PRCD: variants seen among roughly 807,000 people sequenced by gnomAD.
The protein encoded by PRCD is photoreceptor disk component PRCD.
Under a neutral mutation model 10.1 loss-of-function variants are expected in PRCD, and 12 were observed. The observed-to-expected ratio is 1.18, with a 90% CI of 0.76 to 1.92. PRCD has a LOEUF of 1.92. Among genes scored for constraint, PRCD ranks in the 40% most tolerant of loss-of-function variants. The pLI is 0.00. For synonymous variants in PRCD, 31 were observed against 26.2 expected (o/e 1.18, Z -0.56); for missense variants, 61 against 72.2 (o/e 0.84, Z 0.56).
chr17:76,552,873 A>ATAT (rs1217323967), intron 1 of PRCD: 1 of 125,678 alleles, frequency 8.0e-6, no homozygotes, highest in African/African-American at 3.5e-5. Context: ...TCAAAAAAAA[A>ATAT]AAAAAAAAAT....
Position 76,540,250 on chromosome 17 carries a change from T to TGGGGG in PRCD, c.74+35_74+36insGGGGG. ...TGACCGGGCTATGGCTGGCGGTTGGTCGGGGGGGGGGGGCATGGGGCTGGG... is the reference window on the plus strand; with the variant it reads ...TGACCGGGCTATGGCTGGCGGTTGGTGGGGGCGGGGGGGGGGGGCATGGGGCTGGG... On this transcript the variant is annotated intron_variant, in intron 1 of 4. Transcript: ENST00000592014. This position sits in a 1 kb window ranked among gnomAD's most constrained non-coding sequence, Gnocchi z 5.0. 1.9e-5 allele frequency: 9 copies of TGGGGG among 463,652 alleles called. 3 individuals carry two copies. Among genetic ancestry groups the TGGGGG allele is most frequent in the South Asian group, 6.6e-5 (3 of 45,652 alleles). The allele number at this position is 463,652 out of a possible 1,614,324, so 28.7% of individuals were successfully genotyped here. A position where few individuals can be genotyped will look rare whatever the true frequency, so the allele number is the denominator to read the frequency against.
At chr17:76,534,150 C>CTT (rs2074886881) in intron 1 of PRCD, among the ~76,000 whole-genome samples, 2 of 80,410 alleles carry the variant, frequency 2.5e-5, no homozygotes, top group Non-Finnish European at 5.0e-5. Flanking sequence ...TTCTCTTTCT[C>CTT]TCTCTCTCTC....
At chr17:76,553,010 G>A (rs2075126090) in intron 1 of PRCD, 1 of 150,668 alleles carries the variant, frequency 6.6e-6, no homozygotes, top group African/African-American at 2.4e-5. Context: ...GAATCAAAAC[G>A]AGGTCTGAAG....
chr17:76,546,738 C>A (rs1387852731), downstream of PRCD: 1 of 152,190 alleles, frequency 6.6e-6, no homozygotes, highest in Non-Finnish European at 1.5e-5. The surrounding 1 kb of genome is among the most constrained non-coding windows in gnomAD (Gnocchi z 4.5). Flanking sequence ...TGATACTAAT[C>A]GTATGATTAA....
At chr17:76,529,349 A>G (rs4648335) in intron 1 of PRCD, 355,165 of 985,180 alleles carry the variant, frequency 0.36, 65,179 homozygotes, top group South Asian at 0.58. Context: ...ACGGTAGCCC[A>G]TCTCCATTCA....
chr17:76,544,369 G>A lies in PRCD; in HGVS notation c.*719G>A, dbSNP rs1451322382. ...TGCCTCTGAAGGGAAGGAAGGGAAA[G>A]GGTGAGGGATGCCGCAGAGCAGAGG... is the stretch of plus-strand genomic sequence containing the variant. On this transcript the variant is annotated 3_prime_UTR_variant, in exon 5 of 5. Coordinates refer to ENST00000592014, the MANE Select transcript of PRCD (RefSeq NM_001077620.3). The A allele has an allele frequency of 8.8e-6, 4 of 454,802 alleles. No individual in the cohort carries two copies. The Admixed American group carries it at 9.4e-5, about 11-fold the overall frequency. 28.2% of individuals were successfully genotyped at this position (454,802 alleles called of 1,614,324 possible).
upstream of PRCD, among the ~76,000 whole-genome samples, chr17:76,536,911 C>G (rs1190370944): frequency 6.6e-6 from 1 of 152,216 alleles, no homozygotes; most frequent in Non-Finnish European, 1.5e-5. Flanking sequence ...CTTTCTCAAC[C>G]TCTGCTCTTT....
Position 76,528,771 on chromosome 17 carries a change from G to A in PRCD, n.45+938G>A, listed in dbSNP as rs1416706516. 8.0e-6 allele frequency: 8 copies of A among 999,192 alleles called. No homozygotes were observed. The highest frequency in any genetic ancestry group is 5.0e-5 in the African/African-American group (3 of 59,616). The allele number at this position is 999,192 out of a possible 1,614,324, so 61.9% of individuals were successfully genotyped here. On this transcript the variant is annotated intron_variant and non_coding_transcript_variant, in intron 1 of 4. Coordinates refer to the PRCD transcript ENST00000397633. The surrounding 1 kb of genome is among the most constrained non-coding windows in gnomAD (Gnocchi z 5.8). ...CCGTGAGACCCAAGTTCTAGTCTCC[G>A]TCCTGCTACGAACGTGCTGTGTGAT...
chr17:76,540,253 G>GC lies in PRCD; in HGVS notation c.74+38_74+39insC, dbSNP rs201716822. 8 of 1,048,424 alleles carry GC rather than the reference G, an allele frequency of 7.6e-6. 1 individual carries two copies. The highest frequency in any genetic ancestry group is 2.1e-5 in the Admixed American group (1 of 47,206). The allele number at this position is 1,048,424 out of a possible 1,614,324, so 64.9% of individuals were successfully genotyped here. A position where few individuals can be genotyped will look rare whatever the true frequency, so the allele number is the denominator to read the frequency against. ...CCGGGCTATGGCTGGCGGTTGGTCG[G>GC]GGGGGGGGGGCATGGGGCTGGGCTG... On this transcript the variant is annotated intron_variant, in intron 1 of 4. Coordinates refer to ENST00000592014, the MANE Select transcript of PRCD (RefSeq NM_001077620.3). The surrounding 1 kb of genome is among the most constrained non-coding windows in gnomAD (Gnocchi z 5.0).
chr17:76,553,247 A>G (rs1341078810), exon 2 of PRCD: 1 of 152,258 alleles, frequency 6.6e-6, no homozygotes, highest in Admixed American at 6.5e-5. Context: ...AAACTTGGCC[A>G]GAATTGCATC....
upstream of PRCD, chr17:76,527,709 C>G (rs8189): frequency 3.1e-5 from 14 of 453,852 alleles, no homozygotes; most frequent in South Asian, 2.2e-4. Context: ...CCGGATCCCC[C>G]GGGGCTGCCC....
At chr17:76,551,082 C>T (rs2075104516) in intron 1 of PRCD, 1 of 152,230 alleles carries the variant, frequency 6.6e-6, no homozygotes, top group Non-Finnish European at 1.5e-5. Context: ...CCACCTGCCA[C>T]CAGGAAGGTG....
At chr17:76,529,647 G>C (rs963904131) in intron 1 of PRCD, 64 of 985,276 alleles carry the variant, frequency 6.5e-5, no homozygotes, top group Non-Finnish European at 7.6e-5. Flanking sequence ...GGGGAGAGGG[G>C]TGGGAGGGCA....
rs768412990 is a variant in PRCD at position 76,544,386 on chromosome 17, G to A, written c.*736G>A. 1 of 454,886 alleles carries A rather than the reference G, an allele frequency of 2.2e-6. No individual in the cohort carries two copies. Among genetic ancestry groups the A allele is most frequent in the South Asian group, 1.6e-5 (1 of 64,486 alleles). The allele number at this position is 454,886 out of a possible 1,614,324, so 28.2% of individuals were successfully genotyped here. A position where few individuals can be genotyped will look rare whatever the true frequency, so the allele number is the denominator to read the frequency against. On this transcript the variant is annotated 3_prime_UTR_variant, in exon 5 of 5. Coordinates refer to ENST00000592014, the MANE Select transcript of PRCD (RefSeq NM_001077620.3). ...AAGGGAAAGGGTGAGGGATGCCGCA[G>A]AGCAGAGGGAACCGCTGGGGAGGCG... is the stretch of plus-strand genomic sequence containing the variant.
chr17:76,533,605 T>C lies in PRCD; in HGVS notation n.45+5772T>C, dbSNP rs943082981. On this transcript the variant is annotated intron_variant and non_coding_transcript_variant, in intron 1 of 4. Coordinates refer to the PRCD transcript ENST00000397633. The surrounding 1 kb of genome is among the most constrained non-coding windows in gnomAD (Gnocchi z 4.5). ...AGGTGTGGTGGCACACACCTTTGAT[T>C]CCAGCTACTCAGGGGCCTAAAGTGG... Among the ~76,000 whole-genome samples, 2 of 151,332 alleles carry C rather than the reference T, an allele frequency of 1.3e-5. No homozygotes were observed. Among genetic ancestry groups the C allele is most frequent in the Non-Finnish European group, 2.9e-5 (2 of 67,854 alleles).
At position 76,531,722 on chromosome 17, in the gene PRCD, G is replaced by A. The variant is rs1429109140; in HGVS notation, n.45+3889G>A. ...AAGAGGAACAGGGGTGGTCGCTGAA[G>A]CTGGAGGCTGCCTCGGGCCCACCCT... On this transcript the variant is annotated intron_variant and non_coding_transcript_variant, in intron 1 of 4. Coordinates refer to the PRCD transcript ENST00000397633. The surrounding 1 kb of genome is among the most constrained non-coding windows in gnomAD (Gnocchi z 7.4). 1 of 1,553,710 alleles carries A rather than the reference G, an allele frequency of 6.4e-7. No individual in the cohort carries two copies. The highest frequency in any genetic ancestry group is 8.8e-7 in the Non-Finnish European group (1 of 1,140,192).
upstream of PRCD, among the ~76,000 whole-genome samples, chr17:76,536,953 C>T (rs1259927613): frequency 6.6e-6 from 1 of 152,220 alleles, no homozygotes; most frequent in African/African-American, 2.4e-5. Context: ...CTTTGAATCC[C>T]GCAAGCCGCT....
At chr17:76,542,666 G>A in intron 3 of PRCD, 33 bp downstream of exon 3, 2 of 1,431,492 alleles carry the variant, frequency 1.4e-6, no homozygotes, top group East Asian at 2.3e-5. Context: ...GGAGGGCAGA[G>A]GGCAAGGCTT....
chr17:76,537,426 C>T (rs780769869), upstream of PRCD: 66 of 1,598,530 alleles, frequency 4.1e-5, no homozygotes, highest in Non-Finnish European at 5.5e-5. Context: ...CCCCCACGTC[C>T]TCGCAGTTGG....
Sources: allele counts gnomAD v4.1 joint callset (sites outside exome capture counted in the v4.1 genomes callset), GRCh38; gene constraint gnomAD v4.1.1; non-coding constraint Gnocchi (gnomAD v3.1); transcripts MANE v1.5; gene names NCBI Gene and HGNC (gene_info 2026-07-23, HGNC 2026-07-21).